PPARGC1B: variants seen among roughly 807,000 people sequenced by gnomAD.
PPARGC1B encodes PPARG coactivator 1 beta, also known as peroxisome proliferator-activated receptor gamma coactivator 1-beta.
In PPARGC1B, 34 loss-of-function variants were observed where a neutral mutation model predicts 101.6. That is an observed-to-expected ratio of 0.33 (90% CI 0.25 to 0.45). The LOEUF is 0.45. Among genes scored for constraint, PPARGC1B ranks in the 20% least tolerant of loss-of-function variants. The pLI is 1.00. For missense variants in PPARGC1B, 1,234 were observed against 1,317.6 expected, an observed-to-expected ratio of 0.94 and a Z score of 0.98; for synonymous variants, 548 against 539.3, an observed-to-expected ratio of 1.02 and a Z score of -0.22.
rs762987968 is a variant in PPARGC1B at position 149,835,281 on chromosome 5, G to C, written c.1743-20G>C. 3.7e-6 allele frequency: 6 copies of C among 1,613,442 alleles called. No individual in the cohort carries two copies. The Admixed American group carries it at 6.7e-5, about 18-fold the overall frequency. On this transcript the variant is annotated intron_variant, in intron 6 of 11. Coordinates refer to ENST00000309241, the MANE Select transcript of PPARGC1B (RefSeq NM_133263.4). ...CTGCTGACTTGCTTCTTTCCTTTCT[G>C]TCCTCCCTGCCTCCACCAGCGACCC...
intron 1 of PPARGC1B, chr5:149,817,675 T>C (rs2113345776): frequency 2.2e-6 from 1 of 454,950 alleles, no homozygotes; most frequent in South Asian, 1.6e-5. Context: ...CATAGTAGCA[T>C]TGAACATGCC....
intron 1 of PPARGC1B, chr5:149,771,929 C>A: frequency 1.8e-6 from 2 of 1,103,200 alleles, no homozygotes; most frequent in Non-Finnish European, 1.2e-6. Flanking sequence ...CAAGCTTTAG[C>A]ATTCTGCTTT....
intron 6 of PPARGC1B, among the ~76,000 whole-genome samples, chr5:149,835,074 A>G (rs1420413602): frequency 6.6e-6 from 1 of 152,176 alleles, no homozygotes; most frequent in Non-Finnish European, 1.5e-5. Flanking sequence ...TCCTCTATTT[A>G]CCCTCCAGTG....
intron 1 of PPARGC1B, among the ~76,000 whole-genome samples, chr5:149,799,149 C>T (rs1475348718): frequency 6.6e-6 from 1 of 152,130 alleles, no homozygotes; most frequent in Non-Finnish European, 1.5e-5. Context: ...TCTGTCCCTT[C>T]CTCAGAATCC....
chr5:149,815,435 G>A (rs563434638), intron 1 of PPARGC1B, among the ~76,000 whole-genome samples: 1 of 152,296 alleles, frequency 6.6e-6, no homozygotes, highest in East Asian at 1.9e-4. Flanking sequence ...GCCTGGAACA[G>A]ACTCTCAGAA....
downstream of PPARGC1B, among the ~76,000 whole-genome samples, chr5:149,857,767 A>G (rs904188760): frequency 6.6e-6 from 1 of 152,152 alleles, no homozygotes; most frequent in Non-Finnish European, 1.5e-5. Flanking sequence ...AAGCCAGGGA[A>G]CTGTGCCAGG....
chr5:149,765,268 A>G lies in PPARGC1B; in HGVS notation c.78+34848A>G, dbSNP rs573491111. Among the ~76,000 whole-genome samples the G allele has an allele frequency of 8.4e-4, 128 of 152,274 alleles. 1 individual carries two copies. Among genetic ancestry groups the G allele is most frequent in the South Asian group, 4.4e-3 (21 of 4,820 alleles). On this transcript the variant is annotated intron_variant, in intron 1 of 11. Coordinates refer to ENST00000309241, the MANE Select transcript of PPARGC1B (RefSeq NM_133263.4). Reference sequence around the variant, plus strand: ...CCTCGGTTACCATTTCACCTGTGCAAATTTTCAGGACTGAGTCTTTTCTCT... The same window carrying G: ...CCTCGGTTACCATTTCACCTGTGCAGATTTTCAGGACTGAGTCTTTTCTCT...
Position 149,833,681 on chromosome 5 carries a change from C to G in PPARGC1B, c.1608C>G (p.Leu536=), listed in dbSNP as rs748082539. ...AGGACAGTGGCCAAGACCAGCAGCTCCTACGGGGACCCCAGATCCCTGCCC... is the reference window on the plus strand; with the variant it reads ...AGGACAGTGGCCAAGACCAGCAGCTGCTACGGGGACCCCAGATCCCTGCCC... The part of the protein sequence containing the change: ...TDEDSGQDQQ[L]LRGPQIPALE... Residue 536 remains leucine, a synonymous_variant, in exon 5 of 12, where the codon CTC becomes CTG. Transcript: ENST00000309241. This position sits in a 1 kb window ranked among gnomAD's most constrained non-coding sequence, Gnocchi z 4.1. The G allele has an allele frequency of 6.2e-7, 1 of 1,609,100 alleles. No homozygotes were observed. Among genetic ancestry groups the G allele is most frequent in the East Asian group, 2.2e-5 (1 of 44,714 alleles).
chr5:149,788,152 G>C (rs548753515), intron 1 of PPARGC1B, among the ~76,000 whole-genome samples: 1 of 152,142 alleles, frequency 6.6e-6, no homozygotes, highest in Non-Finnish European at 1.5e-5. Flanking sequence ...TACAGAATGG[G>C]AGAAAATTTT....
chr5:149,836,343 A>G lies in PPARGC1B; in HGVS notation c.1888A>G (p.Lys630Glu). 6.2e-7 allele frequency: 1 copy of G among 1,613,998 alleles called. No individual in the cohort carries two copies. Among genetic ancestry groups the G allele is most frequent in the South Asian group, 1.1e-5 (1 of 91,064 alleles). ...FKPDIKHSLG[K>E]EIALSLPSPE... The stretch of plus-strand genomic sequence containing the variant: ...ACCAGACATCAAGCATAGTCTAGGC[A>G]AAGAAATAGCTCTCAGCCTCCCCTC... The change falls in exon 8 of 12, where the codon AAA becomes GAA. Residue 630 changes from lysine (K) to glutamate (E), a missense_variant. This residue lies in a region of PPARGC1B where 497 missense variants were observed against 529.5 expected (regional missense o/e 0.94). Transcript: ENST00000309241.
intron 1 of PPARGC1B, among the ~76,000 whole-genome samples, chr5:149,769,667 C>G (rs1293487105): frequency 6.6e-6 from 1 of 152,210 alleles, no homozygotes; most frequent in Admixed American, 6.5e-5. Flanking sequence ...CTTGCCGTTT[C>G]AGAGGTCAGC....
Position 149,820,509 on chromosome 5 carries a change from T to C in PPARGC1B, c.155T>C (p.Phe52Ser). ...CTCTCCCAGCTGGATGCCAGCGACTTTGACTCGGCCACCTGCTTTGGGGAG... is the reference window on the plus strand; with the variant it reads ...CTCTCCCAGCTGGATGCCAGCGACTCTGACTCGGCCACCTGCTTTGGGGAG... ...LDLSQLDASD[F>S]DSATCFGELQ... Residue 52 changes from phenylalanine (F) to serine (S), a missense_variant, in exon 2 of 12, where the codon TTT becomes TCT. By Grantham distance (155) the Phe-to-Ser change is radical (BLOSUM62 -2). This residue lies in a region of PPARGC1B where 734 missense variants were observed against 768.4 expected (regional missense o/e 0.96). Transcript: ENST00000309241. 1 of 1,614,078 alleles carries C rather than the reference T, an allele frequency of 6.2e-7. No homozygotes were observed. The highest frequency in any genetic ancestry group is 1.3e-5 in the African/African-American group (1 of 75,038).
Position 149,847,703 on chromosome 5 carries a change from T to TA in PPARGC1B, c.*145_*146insA. 10 of 611,216 alleles carry TA rather than the reference T, an allele frequency of 1.6e-5. No individual in the cohort carries two copies. Among genetic ancestry groups the TA allele is most frequent in the South Asian group, 4.3e-5 (2 of 46,912 alleles). The allele number at this position is 611,216 out of a possible 1,614,324, so 37.9% of individuals were successfully genotyped here. A position where few individuals can be genotyped will look rare whatever the true frequency, so the allele number is the denominator to read the frequency against. Reference sequence around the variant, plus strand: ...GAGAGAGACTTGAAACTGCTGTCCTTTAAAAAAAAAAAAAATCAATGTTTA... The same window carrying TA: ...GAGAGAGACTTGAAACTGCTGTCCTTATAAAAAAAAAAAAAATCAATGTTTA... On this transcript the variant is annotated 3_prime_UTR_variant, in exon 12 of 12. Transcript: ENST00000309241.
At chr5:149,740,080 TGATTAAC>T (rs1301376254) in intron 1 of PPARGC1B, 1 of 152,226 alleles carries the variant, frequency 6.6e-6, no homozygotes, top group East Asian at 1.9e-4. Context: ...ATAAAGCCAT[TGATTAAC>T]TGTCCCCAAA....
intron 1 of PPARGC1B, among the ~76,000 whole-genome samples, chr5:149,754,660 GCCTGT>G (rs1237150202): frequency 6.6e-6 from 1 of 152,094 alleles, no homozygotes; most frequent in Non-Finnish European, 1.5e-5. Context: ...AGGAGAATGG[GCCTGT>G]CGGAGTCAGG....
At position 149,771,885 on chromosome 5, in the gene PPARGC1B, A is replaced by T. The variant is rs4705375; in HGVS notation, c.78+41465A>T. On this transcript the variant is annotated intron_variant, in intron 1 of 11. Coordinates refer to ENST00000309241, the MANE Select transcript of PPARGC1B (RefSeq NM_133263.4). ...AAATATCCCCACCATGGCCAATTTC[A>T]TCCTGTTTAAGTGATGTCACTGAAC... The T allele has an allele frequency of 0.44, 298,845 of 686,486 alleles. 66,566 individuals are homozygous for T. The highest frequency in any genetic ancestry group is 0.48 in the African/African-American group (25,596 of 53,488). 42.5% of individuals were successfully genotyped at this position (686,486 alleles called of 1,614,324 possible). A position where few individuals can be genotyped will look rare whatever the true frequency, so the allele number is the denominator to read the frequency against.
At chr5:149,768,763 A>G (rs942008053) in intron 1 of PPARGC1B, among the ~76,000 whole-genome samples, 1 of 151,634 alleles carries the variant, frequency 6.6e-6, no homozygotes, top group Non-Finnish European at 1.5e-5. Flanking sequence ...TGATCCACCC[A>G]CCTCGGCCTC....
intron 1 of PPARGC1B, among the ~76,000 whole-genome samples, chr5:149,732,486 G>C (rs1364748875): frequency 1.3e-5 from 2 of 152,202 alleles, no homozygotes; most frequent in East Asian, 3.9e-4. Context: ...GCCGCCCAGC[G>C]AGCCTAGCTA....
intron 9 of PPARGC1B, among the ~76,000 whole-genome samples, chr5:149,840,927 AAAAC>A (rs1163748264): frequency 3.4e-4 from 52 of 152,290 alleles, no homozygotes; most frequent in African/African-American, 1.3e-3. Flanking sequence ...ACAGGTCCTT[AAAAC>A]CGTGGACTGT....
Sources: gnomAD v4.1 joint callset for allele counts (sites outside exome capture counted in the v4.1 genomes callset) on GRCh38, gnomAD v4.1.1 for gene constraint, gnomAD v4.1.1 regional missense constraint, Gnocchi (gnomAD v3.1) non-coding constraint, MANE v1.5 for transcripts, NCBI Gene and HGNC (gene_info 2026-07-23, HGNC 2026-07-21) for gene names.